PLEKHG1: variants seen among roughly 807,000 people sequenced by gnomAD.
PLEKHG1 encodes pleckstrin homology domain-containing family G member 1.
In PLEKHG1, 44 loss-of-function variants were observed where a neutral mutation model predicts 100.8. That is an observed-to-expected ratio of 0.44 (90% confidence interval 0.34 to 0.56). The LOEUF (loss-of-function observed/expected upper bound fraction) is 0.56. PLEKHG1 is among the 20% of genes least tolerant of loss of function. The pLI is 0.01. For missense variants in PLEKHG1, 1,545 were observed against 1,720.9 expected (o/e 0.90, Z 1.81); for synonymous variants, 640 against 662.5 (o/e 0.97, Z 0.52).
exon 16 of PLEKHG1, chr6:150,840,857 G>A: frequency 1.2e-6 from 2 of 1,612,232 alleles, no homozygotes; most frequent in South Asian, 1.1e-5. Context: ...AGTCTCTAAG[G>A]GAAAAATTTC....
At chr6:150,682,704 C>T (rs12663498) in intron 3 of PLEKHG1, among the ~76,000 whole-genome samples, 14,323 of 152,190 alleles carry the variant, frequency 0.094, 764 homozygotes, top group South Asian at 0.17. Context: ...GCAGACCTTG[C>T]ACCTGCAGGA....
rs1046407622 is a variant in PLEKHG1, at chr6:150,805,969, A to G, written c.912+1228A>G. 3.3e-5 allele frequency among the ~76,000 whole-genome samples: 5 copies of G among 152,204 alleles called. No individual in the cohort carries two copies. The South Asian group carries it at 1.0e-3, about 32-fold the overall frequency. ...GGGCACCTCAATAGATGCACTATTA[A>G]AAACAAAACAAGAGGCTGCATGGGC... On this transcript the variant is annotated intron_variant, in intron 7 of 15. Coordinates refer to ENST00000358517, the Ensembl canonical transcript of PLEKHG1.
Position 150,672,309 on chromosome 6 carries a change from A to T in PLEKHG1, c.-99+21523A>T, listed in dbSNP as rs78230081. ...AGAGCCTGATTCCACGGGTGTTCAT[A>T]TGAATAAATTAATGCTATGAGGTGC... On this transcript the variant is annotated intron_variant, in intron 3 of 3. Transcript: ENST00000367326. Among the ~76,000 whole-genome samples the T allele has an allele frequency of 1.3e-3, 196 of 152,316 alleles. 3 individuals are homozygous for T. The East Asian group carries it at 0.032, about 25-fold the overall frequency.
chr6:150,755,799 G>A (rs1205443758), intron 2 of PLEKHG1, among the ~76,000 whole-genome samples: 1 of 152,186 alleles, frequency 6.6e-6, no homozygotes, highest in Non-Finnish European at 1.5e-5. Context: ...GCATCCGGCA[G>A]TGCCTTACCC....
chr6:150,786,354 C>T lies in PLEKHG1; in HGVS notation c.513-36C>T, dbSNP rs530539906. On this transcript the variant is annotated intron_variant, in intron 3 of 15. Transcript: ENST00000358517. The stretch of plus-strand genomic sequence containing the variant: ...CAAAATGTACTCACCCAGAAGACTA[C>T]AATCTAATACTTCCTGGCTGTTATT... 20 of 1,388,250 alleles carry T rather than the reference C, an allele frequency of 1.4e-5. No homozygotes were observed. In the South Asian group the frequency reaches 1.9e-4, roughly 13 times the overall value. The allele number at this position is 1,388,250 out of a possible 1,614,324, so 86.0% of individuals were successfully genotyped here. A position where few individuals can be genotyped will look rare whatever the true frequency, so the allele number is the denominator to read the frequency against.
chr6:150,821,696 TAATAAAATTTAA>T (rs1776309852), intron 13 of PLEKHG1, among the ~76,000 whole-genome samples: 1 of 151,592 alleles, frequency 6.6e-6, no homozygotes, highest in Non-Finnish European at 1.5e-5. Context: ...AAAATAATAA[TAATAAAATTTAA>T]AATAAAATAT....
chr6:150,627,518 AT>A (rs1460746576), intron 1 of PLEKHG1, among the ~76,000 whole-genome samples: 2 of 152,198 alleles, frequency 1.3e-5, no homozygotes, highest in Non-Finnish European at 2.9e-5. Flanking sequence ...TTAAAAAAAA[AT>A]CAACACCAAC....
intron 3 of PLEKHG1, among the ~76,000 whole-genome samples, chr6:150,773,948 A>T (rs1414787603): frequency 6.6e-6 from 1 of 152,146 alleles, no homozygotes. Context: ...TTATTCCTAG[A>T]TACTTACAGC....
At chr6:150,778,214 G>A (rs9478818) in intron 3 of PLEKHG1, among the ~76,000 whole-genome samples, 4,471 of 152,090 alleles carry the variant, frequency 0.029, 215 homozygotes, top group African/African-American at 0.1. Context: ...TGTATCCTCC[G>A]CCTCCCAGGT....
chr6:150,715,027 G>A (rs1781372889), intron 3 of PLEKHG1, among the ~76,000 whole-genome samples: 1 of 151,534 alleles, frequency 6.6e-6, no homozygotes, highest in African/African-American at 2.4e-5. Flanking sequence ...TCGAACTCCT[G>A]GCCCCAAATG....
exon 16 of PLEKHG1, chr6:150,841,062 C>T: frequency 1.4e-6 from 1 of 706,230 alleles, no homozygotes; most frequent in East Asian, 2.7e-5. Context: ...GCTGACGATG[C>T]AGCCCGGATT....
chr6:150,783,722 A>AT (rs1220933464), intron 3 of PLEKHG1, among the ~76,000 whole-genome samples: 2 of 152,196 alleles, frequency 1.3e-5, no homozygotes, highest in Non-Finnish European at 2.9e-5. Context: ...ATGCTTAAAA[A>AT]TTACTAAGGA....
chr6:150,758,725 G>A (rs1783991113), intron 2 of PLEKHG1, among the ~76,000 whole-genome samples: 1 of 152,302 alleles, frequency 6.6e-6, no homozygotes, highest in South Asian at 2.1e-4. Flanking sequence ...ATGATCAGTG[G>A]TGTTGAGCTT....
At chr6:150,618,814 A>G (rs966946227) in intron 1 of PLEKHG1, among the ~76,000 whole-genome samples, 1 of 152,230 alleles carries the variant, frequency 6.6e-6, no homozygotes, top group South Asian at 2.1e-4. Context: ...AACAGGCTGG[A>G]TGCTCAAAAT....
exon 16 of PLEKHG1, chr6:150,841,259 A>T: frequency 3.2e-6 from 1 of 315,502 alleles, no homozygotes; most frequent in Non-Finnish European, 6.0e-6. Flanking sequence ...AGGTAGTTTT[A>T]TCCTGTGACT....
chr6:150,749,321 G>A lies in PLEKHG1; in HGVS notation c.411+15229G>A, dbSNP rs12662134. Among the ~76,000 whole-genome samples the A allele has an allele frequency of 2.4e-3, 369 of 152,124 alleles. 4 individuals are homozygous for A. The highest frequency in any genetic ancestry group is 8.4e-3 in the Admixed American group (128 of 15,282). ...GCCACTGACCAGGGTGAGATCCAGC[G>A]TGGACAGGTGTGAAGGGAAGAGCTG... On this transcript the variant is annotated intron_variant, in intron 2 of 15. Transcript: ENST00000358517.
chr6:150,734,416 C>G (rs528050549), intron 2 of PLEKHG1, among the ~76,000 whole-genome samples: 1 of 152,312 alleles, frequency 6.6e-6, no homozygotes, highest in East Asian at 1.9e-4. Flanking sequence ...GAGGAGGACT[C>G]AAGTCTCCTG....
chr6:150,636,561 T>C (rs1322857004), intron 1 of PLEKHG1, among the ~76,000 whole-genome samples: 1 of 152,000 alleles, frequency 6.6e-6, no homozygotes, highest in Non-Finnish European at 1.5e-5. Flanking sequence ...AGTACAGACA[T>C]GGCCCCTGGA....
intron 3 of PLEKHG1, among the ~76,000 whole-genome samples, chr6:150,690,446 C>T (rs570569744): frequency 6.6e-6 from 1 of 152,270 alleles, no homozygotes; most frequent in East Asian, 1.9e-4. Flanking sequence ...TCATACCTCA[C>T]TAGAGTGAGG....
Sources: gnomAD v4.1 joint callset for allele counts (sites outside exome capture counted in the v4.1 genomes callset) on GRCh38, gnomAD v4.1.1 for gene constraint, MANE v1.5 for transcripts, NCBI Gene and HGNC (gene_info 2026-07-23, HGNC 2026-07-21) for gene names.